Variants in CWC27 observed in about 807,000 individuals in gnomAD.
The protein encoded by CWC27 is CWC27 spliceosome associated cyclophilin.
In CWC27, 47 loss-of-function variants were observed where a neutral mutation model predicts 63.6. The observed-to-expected ratio is 0.74, with a 90% confidence interval of 0.58 to 0.94. CWC27 has a LOEUF of 0.94. Ranked by LOEUF, CWC27 falls within the 40% of genes least tolerant of loss-of-function variation. The pLI is 0.00. For missense variants in CWC27, 495 were observed against 554.3 expected, an observed-to-expected ratio of 0.89 and a Z score of 1.07; for synonymous variants, 175 against 179.8, an observed-to-expected ratio of 0.97 and a Z score of 0.22.
intron 11 of CWC27, among the ~76,000 whole-genome samples, chr5:64,915,466 C>T (rs558282803): frequency 6.6e-6 from 1 of 152,292 alleles, no homozygotes; most frequent in East Asian, 1.9e-4. Flanking sequence ...CACTTTGTGA[C>T]AAATCATTGA....
In CWC27 at chr5:64,954,450, G is replaced by A. The variant is rs558524836; in HGVS notation, c.1043-17253G>A. Among the ~76,000 whole-genome samples the A allele has an allele frequency of 9.9e-5, 15 of 151,928 alleles. No homozygotes were observed. The East Asian group carries it at 2.9e-3, about 30-fold the overall frequency. The stretch of plus-strand genomic sequence containing the variant: ...ACTACAGGTATATGCCACTATGCCA[G>A]GCTAAAATTTTTTTAAAGACATGGG... On this transcript the variant is annotated intron_variant, in intron 11 of 13. Coordinates refer to ENST00000381070, the MANE Select transcript of CWC27 (RefSeq NM_005869.4).
At chr5:64,993,096 T>C (rs573508714) in intron 13 of CWC27, among the ~76,000 whole-genome samples, 1 of 152,196 alleles carries the variant, frequency 6.6e-6, no homozygotes, top group South Asian at 2.1e-4. Flanking sequence ...GAAATAACAA[T>C]ATCTACCTCA....
rs538409836 is a variant in CWC27 at position 64,837,712 on chromosome 5, C to T, written c.938+33326C>T. Among the ~76,000 whole-genome samples, 11 of 151,712 alleles carry T rather than the reference C, an allele frequency of 7.3e-5. No homozygotes were observed. The South Asian group carries it at 8.4e-4, about 12-fold the overall frequency. ...AAAAAAAAAGCCAAACCTCACCTCACGGGGGTCTCTCTTATTTAGAGGTTT... is the reference window on the plus strand; with the variant it reads ...AAAAAAAAAGCCAAACCTCACCTCATGGGGGTCTCTCTTATTTAGAGGTTT... On this transcript the variant is annotated intron_variant, in intron 10 of 13. Transcript: ENST00000381070.
intron 11 of CWC27, among the ~76,000 whole-genome samples, chr5:64,928,201 C>T (rs767255745): frequency 4.0e-5 from 6 of 151,528 alleles, no homozygotes; most frequent in Non-Finnish European, 7.4e-5. Flanking sequence ...ACTGTGTTTC[C>T]TCAGTCTGCA....
At chr5:64,804,125 A>C (rs1175760699) in intron 9 of CWC27, 104 bp from the exon 10 acceptor site, 5 of 1,024,860 alleles carry the variant, frequency 4.9e-6, no homozygotes, top group African/African-American at 1.6e-5. Context: ...AAAAAAAAAA[A>C]CCTAGTTTAG....
intron 11 of CWC27, among the ~76,000 whole-genome samples, chr5:64,925,500 T>C (rs924040484): frequency 1.3e-5 from 2 of 152,200 alleles, no homozygotes; most frequent in African/African-American, 4.8e-5. Context: ...TAGCATCTCA[T>C]TGTTGATTAT....
chr5:64,846,290 G>A (rs1195042642), intron 10 of CWC27, among the ~76,000 whole-genome samples: 1 of 152,060 alleles, frequency 6.6e-6, no homozygotes, highest in East Asian at 1.9e-4. Flanking sequence ...TTCATCCCTA[G>A]TACATGAGTC....
chr5:64,821,977 G>A (rs776934444), intron 10 of CWC27, among the ~76,000 whole-genome samples: 9 of 152,262 alleles, frequency 5.9e-5, no homozygotes, highest in Admixed American at 2.0e-4. Context: ...CATGTCTGCC[G>A]GAATTGGTAG....
chr5:64,942,134 G>C (rs1487324827), intron 11 of CWC27, among the ~76,000 whole-genome samples: 1 of 151,862 alleles, frequency 6.6e-6, no homozygotes, highest in Non-Finnish European at 1.5e-5. Context: ...TACTAATAAA[G>C]AAAAATATTG....
At chr5:64,920,445 T>C (rs1187360227) in intron 11 of CWC27, among the ~76,000 whole-genome samples, 1 of 152,222 alleles carries the variant, frequency 6.6e-6, no homozygotes, top group Non-Finnish European at 1.5e-5. Context: ...CTTTTCATTG[T>C]GTCTCTGCTA....
chr5:64,894,964 G>A (rs1484879581), intron 11 of CWC27, among the ~76,000 whole-genome samples: 1 of 152,056 alleles, frequency 6.6e-6, no homozygotes, highest in Non-Finnish European at 1.5e-5. Flanking sequence ...AAATAAGCAG[G>A]GTCACCTCAT....
chr5:64,804,737 G>C (rs1252392726), intron 10 of CWC27: 1 of 164,794 alleles, frequency 6.1e-6, no homozygotes, highest in African/African-American at 2.4e-5. Flanking sequence ...AGAAAGAAAA[G>C]AGACATCCTC....
chr5:64,853,591 G>A (rs1283168471), intron 10 of CWC27, among the ~76,000 whole-genome samples: 1 of 152,194 alleles, frequency 6.6e-6, no homozygotes, highest in Non-Finnish European at 1.5e-5. Context: ...TTACAGTTCT[G>A]TAGGCTGTAA....
At chr5:64,845,452 G>A (rs1745951142) in intron 10 of CWC27, among the ~76,000 whole-genome samples, 1 of 152,194 alleles carries the variant, frequency 6.6e-6, no homozygotes, top group South Asian at 2.1e-4. Flanking sequence ...GTTCAGTGAT[G>A]TACAAGAATA....
chr5:64,774,839 C>A, intron 2 of CWC27, 52 bp downstream of exon 2: 1 of 1,010,928 alleles, frequency 9.9e-7, no homozygotes, highest in Non-Finnish European at 1.5e-6. Flanking sequence ...TAAAAATAAA[C>A]TGCAGTGTCT....
chr5:64,887,342 C>T (rs888293894), intron 11 of CWC27, among the ~76,000 whole-genome samples: 2 of 151,986 alleles, frequency 1.3e-5, no homozygotes, highest in African/African-American at 2.4e-5. Context: ...TAACAGAGCT[C>T]ATTTCAATCT....
chr5:64,894,524 A>G (rs1162729333), intron 11 of CWC27, among the ~76,000 whole-genome samples: 3 of 152,178 alleles, frequency 2.0e-5, no homozygotes, highest in African/African-American at 7.2e-5. Flanking sequence ...ACACCTTTTT[A>G]AAGATTACAC....
At chr5:64,976,275 A>G (rs1407458842) in intron 12 of CWC27, among the ~76,000 whole-genome samples, 1 of 152,096 alleles carries the variant, frequency 6.6e-6, no homozygotes, top group East Asian at 1.9e-4. Flanking sequence ...GGAATTACTC[A>G]GTCAGGGGGA....
chr5:64,944,959 T>A (rs1214444947), intron 11 of CWC27, among the ~76,000 whole-genome samples: 1 of 152,162 alleles, frequency 6.6e-6, no homozygotes, highest in African/African-American at 2.4e-5. Context: ...CCCTTCTGTT[T>A]ACCTCTCTGA....
Sources: gnomAD v4.1 joint callset for allele counts (sites outside exome capture counted in the v4.1 genomes callset) on GRCh38, gnomAD v4.1.1 for gene constraint, MANE v1.5 for transcripts, NCBI Gene and HGNC (gene_info 2026-07-23, HGNC 2026-07-21) for gene names.